The following OR51B5 variants were observed in gnomAD, a reference collection of about 807,000 sequenced individuals.
OR51B5 encodes olfactory receptor 51B5.
For synonymous variants in OR51B5, 186 were observed against 144.8 expected, an observed-to-expected ratio of 1.28 and a Z score of -2.04; for missense variants, 456 against 374.6, an observed-to-expected ratio of 1.22 and a Z score of -1.79.
rs541569042 is a variant in OR51B5, at chr11:5,372,057, C to A, written n.85-25147G>T. ...AAATGTACTCTAGGTTTATACATTC[C>A]CCCCATCTCCTTTTTTAAGGCTGAA... On this transcript the variant is annotated intron_variant and non_coding_transcript_variant, in intron 1 of 4. Transcript: ENST00000415970. 1.5e-4 allele frequency among the ~76,000 whole-genome samples: 23 copies of A among 152,042 alleles called. No homozygotes were observed. The Middle Eastern group carries it at 0.01, about 68-fold the overall frequency.
chr11:5,365,146 CTTCT>C (rs1849345561), intron 1 of OR51B5, among the ~76,000 whole-genome samples: 1 of 152,168 alleles, frequency 6.6e-6, no homozygotes, highest in African/African-American at 2.4e-5. Context: ...AATAACTTTT[CTTCT>C]TTGTCTGGTG....
intron 1 of OR51B5, among the ~76,000 whole-genome samples, chr11:5,472,167 C>T (rs1418345046): frequency 6.6e-6 from 1 of 152,138 alleles, no homozygotes; most frequent in African/African-American, 2.4e-5. Context: ...CAGTGAAGCT[C>T]CAAGCACGAA....
chr11:5,440,689 C>T (rs774650080), intron 1 of OR51B5: 1 of 1,613,910 alleles, frequency 6.2e-7, no homozygotes, highest in South Asian at 1.1e-5. Context: ...GACATCATGA[C>T]ATGAACAACA....
At chr11:5,379,747 T>A (rs1223336067) in intron 1 of OR51B5, among the ~76,000 whole-genome samples, 1 of 152,184 alleles carries the variant, frequency 6.6e-6, no homozygotes, top group African/African-American at 2.4e-5. Context: ...AAACGTTTAA[T>A]CCATTTTTTG....
chr11:5,427,603 G>A (rs1252874159), intron 1 of OR51B5, among the ~76,000 whole-genome samples: 1 of 152,052 alleles, frequency 6.6e-6, no homozygotes, highest in African/African-American at 2.4e-5. Context: ...TAGAAGTGAC[G>A]ACAATCCAGT....
Position 5,350,717 on chromosome 11 carries a change from C to T in OR51B5, n.85-3807G>A, listed in dbSNP as rs548244418. On this transcript the variant is annotated intron_variant and non_coding_transcript_variant, in intron 1 of 4. Coordinates refer to the OR51B5 transcript ENST00000415970. ...TGCCTTCAAAAGCTTATCATCAAAT[C>T]CACATTTTACTGTTTATTCTTCAAT... Among the ~76,000 whole-genome samples the T allele has an allele frequency of 2.0e-5, 3 of 152,286 alleles. No individual in the cohort carries two copies. In the South Asian group the frequency reaches 6.2e-4, roughly 32 times the overall value.
At chr11:5,495,161 G>A (rs926164861) in intron 1 of OR51B5, among the ~76,000 whole-genome samples, 2 of 152,116 alleles carry the variant, frequency 1.3e-5, no homozygotes, top group Non-Finnish European at 2.9e-5. Flanking sequence ...TTCAAGAGTG[G>A]ATGCACTGAA....
chr11:5,420,443 T>C (rs1007435795), intron 1 of OR51B5, among the ~76,000 whole-genome samples: 1 of 152,078 alleles, frequency 6.6e-6, no homozygotes, highest in African/African-American at 2.4e-5. Context: ...GTTAACTTTG[T>C]CATATAGTTT....
rs371427586 is a variant in OR51B5 at position 5,376,408 on chromosome 11, T to G, written n.85-29498A>C. 2.4e-4 allele frequency among the ~76,000 whole-genome samples: 36 copies of G among 151,826 alleles called. No individual in the cohort carries two copies. In the East Asian group the frequency reaches 3.5e-3, roughly 15 times the overall value. On this transcript the variant is annotated intron_variant and non_coding_transcript_variant, in intron 1 of 4. Transcript: ENST00000415970. ...TAACATCACAATTAAAAGAACTAGA[T>G]AAGCAAGAGCAAACACATTCAAAAG...
At chr11:5,347,880 C>T (rs951064205), upstream of OR51B5, among the ~76,000 whole-genome samples, 35 of 152,048 alleles carry the variant, frequency 2.3e-4, no homozygotes, top group African/African-American at 8.0e-4. Context: ...AATGTTCCTA[C>T]CAGCCAGGCT....
At chr11:5,461,325 G>A (rs1046622929) in intron 1 of OR51B5, among the ~76,000 whole-genome samples, 3 of 152,196 alleles carry the variant, frequency 2.0e-5, no homozygotes, top group Non-Finnish European at 2.9e-5. Context: ...GGATCTATCT[G>A]CAAAAGTGTT....
intron 1 of OR51B5, among the ~76,000 whole-genome samples, chr11:5,352,722 G>C (rs1224589148): frequency 6.6e-6 from 1 of 151,510 alleles, no homozygotes; most frequent in Non-Finnish European, 1.5e-5. Context: ...TGTTTGATTA[G>C]CTTATGGCTG....
intron 1 of OR51B5, among the ~76,000 whole-genome samples, chr11:5,412,850 A>C (rs1850171307): frequency 6.8e-6 from 1 of 146,084 alleles, no homozygotes. Context: ...TGTAGGCTCC[A>C]CCTCTGGGGG....
intron 1 of OR51B5, among the ~76,000 whole-genome samples, chr11:5,411,224 A>AT (rs1427646092): frequency 6.6e-6 from 1 of 152,144 alleles, no homozygotes; most frequent in Non-Finnish European, 1.5e-5. Context: ...CTGTTGTAGC[A>AT]TTTTTTACTA....
intron 1 of OR51B5, among the ~76,000 whole-genome samples, chr11:5,414,082 C>G (rs1457229958): frequency 2.0e-5 from 3 of 151,948 alleles, no homozygotes; most frequent in East Asian, 3.9e-4. Flanking sequence ...AACAGCAGCT[C>G]TCTTGGCAGA....
intron 1 of OR51B5, among the ~76,000 whole-genome samples, chr11:5,386,401 G>A (rs958107271): frequency 3.3e-5 from 5 of 152,134 alleles, no homozygotes; most frequent in Non-Finnish European, 7.4e-5. Flanking sequence ...GCCTTGGGAT[G>A]ATTGTTTACC....
At chr11:5,409,095 C>G (rs538282953) in intron 1 of OR51B5, among the ~76,000 whole-genome samples, 62 of 152,142 alleles carry the variant, frequency 4.1e-4, no homozygotes, top group African/African-American at 1.4e-3. Context: ...ACCAATATTC[C>G]TGCTGAAAAT....
intron 1 of OR51B5, among the ~76,000 whole-genome samples, chr11:5,469,865 T>C (rs187256868): frequency 2.2e-4 from 33 of 152,290 alleles, no homozygotes; most frequent in Non-Finnish European, 4.4e-5. Flanking sequence ...TTCTGTCTTG[T>C]GCAAGTGATG....
chr11:5,347,317 A>C (rs1364411855), upstream of OR51B5, among the ~76,000 whole-genome samples: 1 of 152,202 alleles, frequency 6.6e-6, no homozygotes, highest in Non-Finnish European at 1.5e-5. Flanking sequence ...TTTAGATCAG[A>C]GAAAGCTTGA....
Sources: allele counts gnomAD v4.1 joint callset (sites outside exome capture counted in the v4.1 genomes callset), GRCh38; gene constraint gnomAD v4.1.1; transcripts MANE v1.5; gene names NCBI Gene and HGNC (gene_info 2026-07-23, HGNC 2026-07-21).